ATXN7L1: variants seen among roughly 807,000 people sequenced by gnomAD.
ATXN7L1 encodes ataxin-7-like protein 1.
ATXN7L1 carries 15 observed loss-of-function variants against 70.8 expected under a neutral mutation model. That is an observed-to-expected ratio of 0.21 (90% CI 0.14 to 0.33). The LOEUF (loss-of-function observed/expected upper bound fraction) is 0.33, where lower values mean the gene tolerates loss of function less well. Ranked by LOEUF, ATXN7L1 falls within the 10% of genes least tolerant of loss-of-function variation. ATXN7L1 has a pLI of 1.00. For synonymous variants in ATXN7L1, 440 were observed against 445.1 expected, an observed-to-expected ratio of 0.99 and a Z score of 0.14; for missense variants, 975 against 1,097.1, an observed-to-expected ratio of 0.89 and a Z score of 1.57.
intron 3 of ATXN7L1, among the ~76,000 whole-genome samples, chr7:105,777,673 T>C (rs1802926238): frequency 6.6e-6 from 1 of 152,248 alleles, no homozygotes; most frequent in Non-Finnish European, 1.5e-5. Flanking sequence ...GCTACCACGA[T>C]GATCTGTTAC....
intron 2 of ATXN7L1, among the ~76,000 whole-genome samples, chr7:105,874,103 G>A (rs975996097): frequency 7.0e-4 from 94 of 133,566 alleles, no homozygotes; most frequent in African/African-American, 2.6e-3. Flanking sequence ...CCAGCCTGGC[G>A]ACAGAGTGAG....
chr7:105,799,812 C>G (rs1806548772), intron 2 of ATXN7L1, among the ~76,000 whole-genome samples: 1 of 152,188 alleles, frequency 6.6e-6, no homozygotes, highest in African/African-American at 2.4e-5. Flanking sequence ...ACTCCAGCCA[C>G]TGGGACAGCC....
At chr7:105,873,283 C>G (rs1046944624) in intron 2 of ATXN7L1, among the ~76,000 whole-genome samples, 21 of 152,244 alleles carry the variant, frequency 1.4e-4, no homozygotes, top group Non-Finnish European at 1.9e-4. Context: ...AGCCGAATTT[C>G]TTCTCAAGAC....
chr7:105,642,363 G>A (rs1401015907), intron 5 of ATXN7L1, among the ~76,000 whole-genome samples: 1 of 152,198 alleles, frequency 6.6e-6, no homozygotes, highest in Non-Finnish European at 1.5e-5. Flanking sequence ...AAACTCCCGA[G>A]GCCAAAGGAC....
chr7:105,674,078 T>C (rs574665517), intron 3 of ATXN7L1, among the ~76,000 whole-genome samples: 14 of 152,254 alleles, frequency 9.2e-5, no homozygotes, highest in African/African-American at 3.1e-4. Context: ...CTTTAAAAGA[T>C]GGCAGGGCTG....
chr7:105,655,658 G>A (rs945650425), intron 4 of ATXN7L1, among the ~76,000 whole-genome samples: 3 of 152,170 alleles, frequency 2.0e-5, no homozygotes, highest in Non-Finnish European at 2.9e-5. Context: ...CCCAGTTCAC[G>A]CCAGCACCAG....
At chr7:105,713,008 C>T (rs953382092) in intron 3 of ATXN7L1, among the ~76,000 whole-genome samples, 1 of 152,114 alleles carries the variant, frequency 6.6e-6, no homozygotes, top group Non-Finnish European at 1.5e-5. Flanking sequence ...GTAGGCTAAA[C>T]AGGAAGCGTG....
intron 2 of ATXN7L1, among the ~76,000 whole-genome samples, chr7:105,844,563 G>C (rs546306689): frequency 1.3e-5 from 2 of 152,228 alleles, no homozygotes; most frequent in Non-Finnish European, 2.9e-5. Flanking sequence ...AACAAGAATG[G>C]AAGGAAACTT....
At chr7:105,783,655 C>A (rs1803857325) in intron 3 of ATXN7L1, among the ~76,000 whole-genome samples, 2 of 152,212 alleles carry the variant, frequency 1.3e-5, no homozygotes, top group Admixed American at 1.3e-4. Context: ...CACACAGGGA[C>A]AGACGCTCCT....
intron 2 of ATXN7L1, among the ~76,000 whole-genome samples, chr7:105,797,349 C>A (rs1806147518): frequency 6.6e-6 from 1 of 152,160 alleles, no homozygotes; most frequent in Non-Finnish European, 1.5e-5. Flanking sequence ...CCAACCCCAA[C>A]CACCCAACAA....
chr7:105,761,709 G>A (rs1189961595), intron 3 of ATXN7L1, among the ~76,000 whole-genome samples: 1 of 152,150 alleles, frequency 6.6e-6, no homozygotes, highest in East Asian at 1.9e-4. Context: ...GAATGGAATG[G>A]CGGTGGGGTG....
chr7:105,772,574 C>T (rs1173391510), intron 3 of ATXN7L1, among the ~76,000 whole-genome samples: 1 of 151,906 alleles, frequency 6.6e-6, no homozygotes, highest in Non-Finnish European at 1.5e-5. Context: ...ACAAAGACAC[C>T]ACTACTAAAA....
intron 2 of ATXN7L1, among the ~76,000 whole-genome samples, chr7:105,809,908 C>T (rs140664479): frequency 7.8e-4 from 119 of 152,138 alleles, no homozygotes; most frequent in Non-Finnish European, 1.3e-3. Context: ...GTAGCTGGGA[C>T]GAAAGGCACA....
intron 2 of ATXN7L1, chr7:105,819,412 C>A (rs1379044061): frequency 5.6e-6 from 3 of 538,472 alleles, no homozygotes; most frequent in East Asian, 7.0e-5. Flanking sequence ...AAAATTAGAG[C>A]AAAGCAAAAT....
chr7:105,622,700 G>C (rs1390183710), intron 8 of ATXN7L1, among the ~76,000 whole-genome samples: 1 of 152,188 alleles, frequency 6.6e-6, no homozygotes, highest in African/African-American at 2.4e-5. Context: ...GAATTGATCC[G>C]GCGGGGGCAT....
At chr7:105,636,781 T>C (rs1001822331) in intron 7 of ATXN7L1, among the ~76,000 whole-genome samples, 2 of 152,100 alleles carry the variant, frequency 1.3e-5, no homozygotes, top group African/African-American at 4.8e-5. Context: ...AAGGATATCC[T>C]TGAGAGGGTG....
At chr7:105,769,410 T>A (rs1235804843) in intron 3 of ATXN7L1, among the ~76,000 whole-genome samples, 1 of 152,172 alleles carries the variant, frequency 6.6e-6, no homozygotes, top group African/African-American at 2.4e-5. Flanking sequence ...TCTACTCGTG[T>A]TCGTGCTTGA....
chr7:105,764,434 A>T (rs1002410480), intron 3 of ATXN7L1, among the ~76,000 whole-genome samples: 2 of 152,190 alleles, frequency 1.3e-5, no homozygotes, highest in Non-Finnish European at 2.9e-5. Flanking sequence ...TGGGGCCCCA[A>T]CCCAGATCTA....
At chr7:105,690,003 C>A (rs1435217148) in intron 3 of ATXN7L1, among the ~76,000 whole-genome samples, 2 of 152,112 alleles carry the variant, frequency 1.3e-5, no homozygotes, top group South Asian at 2.1e-4. Context: ...GGAGACAGGG[C>A]ACTTCTTTTT....
Sources: allele counts gnomAD v4.1 joint callset (sites outside exome capture counted in the v4.1 genomes callset), GRCh38; gene constraint gnomAD v4.1.1; transcripts MANE v1.5; gene names NCBI Gene and HGNC (gene_info 2026-07-23, HGNC 2026-07-21).